GRM7: variants seen among roughly 807,000 people sequenced by gnomAD.
The protein encoded by GRM7 is metabotropic glutamate receptor 7.
In GRM7, 35 loss-of-function variants were observed where a neutral mutation model predicts 84.5. The observed-to-expected ratio is 0.41, with a 90% CI of 0.32 to 0.55. The LOEUF is 0.55. Among genes scored for constraint, GRM7 ranks in the 20% least tolerant of loss-of-function variants. GRM7 has a pLI of 0.19. For synonymous variants in GRM7, 487 were observed against 455.1 expected (o/e 1.07, Z -0.89); for missense variants, 1,003 against 1,194.6 (o/e 0.84, Z 2.36).
intron 1 of GRM7, among the ~76,000 whole-genome samples, chr3:7,124,464 C>G (rs952945802): frequency 6.6e-6 from 1 of 152,116 alleles, no homozygotes; most frequent in African/African-American, 2.4e-5. Context: ...TGAGATCGCA[C>G]CATTGCGCTC....
At chr3:7,339,532 G>A (rs1373385121) in intron 4 of GRM7, among the ~76,000 whole-genome samples, 1 of 152,084 alleles carries the variant, frequency 6.6e-6, no homozygotes, top group East Asian at 1.9e-4. Flanking sequence ...GCATTGACAC[G>A]ATTTTGGGGT....
intron 1 of GRM7, among the ~76,000 whole-genome samples, chr3:6,900,419 A>G (rs1005386216): frequency 6.6e-6 from 1 of 152,220 alleles, no homozygotes; most frequent in African/African-American, 2.4e-5. Context: ...ACAGACGTTA[A>G]TTTATGCACT....
chr3:6,908,886 G>C (rs1696672421), intron 1 of GRM7, among the ~76,000 whole-genome samples: 2 of 152,100 alleles, frequency 1.3e-5, no homozygotes, highest in African/African-American at 4.8e-5. Flanking sequence ...TTGGGAGTTA[G>C]AGATGGATTT....
intron 8 of GRM7, among the ~76,000 whole-genome samples, chr3:7,592,471 T>C (rs1416424646): frequency 2.0e-5 from 3 of 152,130 alleles, no homozygotes; most frequent in Non-Finnish European, 2.9e-5. Flanking sequence ...GGGAAATGAC[T>C]AGAAGAGTAG....
intron 4 of GRM7, among the ~76,000 whole-genome samples, chr3:7,381,870 A>G (rs530750324): frequency 7.4e-4 from 112 of 152,302 alleles, no homozygotes; most frequent in African/African-American, 2.6e-3. Context: ...ATTTAAGGTT[A>G]CCTAGCTCAG....
In GRM7 at chr3:7,637,582, CA is replaced by C. The variant is rs746758438; in HGVS notation, c.2452-42466del. 2.6e-5 allele frequency among the ~76,000 whole-genome samples: 4 copies of C among 152,168 alleles called. No individual in the cohort carries two copies. In the East Asian group the frequency reaches 7.7e-4, roughly 29 times the overall value. On this transcript the variant is annotated intron_variant, in intron 8 of 9. Coordinates refer to ENST00000357716, the MANE Select transcript of GRM7 (RefSeq NM_000844.4). Reference sequence around the variant, plus strand: ...AGAAATTCTCTCCAACATGGCTTTGCAGGAGCCTATCGCCTGTTAGGTAAAG... The same window carrying C: ...AGAAATTCTCTCCAACATGGCTTTGCGGAGCCTATCGCCTGTTAGGTAAAG...
Position 7,151,544 on chromosome 3 carries a change from CATTGTTAGTCTTTGCCA to C in GRM7, c.736+4880_736+4896del, listed in dbSNP as rs1694288702. 6.6e-6 allele frequency among the ~76,000 whole-genome samples: 1 copy of C among 152,132 alleles called. No homozygotes were observed. Among genetic ancestry groups the C allele is most frequent in the African/African-American group, 2.4e-5 (1 of 41,420 alleles). ...GTTCTATCTTGTGGTGTGCATTGCC[CATTGTTAGTCTTTGCCA>C]ATTTACTTTAAGCTCCATAAGGGCA... On this transcript the variant is annotated intron_variant, in intron 2 of 9. Coordinates refer to ENST00000357716, the MANE Select transcript of GRM7 (RefSeq NM_000844.4). This position sits in a 1 kb window ranked among gnomAD's most constrained non-coding sequence, Gnocchi z 4.5.
chr3:7,663,799 T>C (rs1699565821), intron 8 of GRM7, among the ~76,000 whole-genome samples: 1 of 152,192 alleles, frequency 6.6e-6, no homozygotes, highest in African/African-American at 2.4e-5. Context: ...GATAATACAT[T>C]GGCACATAAG....
intron 7 of GRM7, among the ~76,000 whole-genome samples, chr3:7,514,958 A>T (rs1700325703): frequency 6.6e-6 from 1 of 151,912 alleles, no homozygotes; most frequent in African/African-American, 2.4e-5. Context: ...ATGACTGTTG[A>T]GTCACAGAAG....
intron 3 of GRM7, among the ~76,000 whole-genome samples, chr3:7,306,105 G>A (rs1187221254): frequency 1.3e-5 from 2 of 152,086 alleles, no homozygotes; most frequent in African/African-American, 4.8e-5. Context: ...AGCAGTAAAT[G>A]AGAGTGCTCA....
intron 9 of GRM7, among the ~76,000 whole-genome samples, chr3:7,705,265 T>C (rs940872650): frequency 2.0e-5 from 3 of 152,192 alleles, no homozygotes. Flanking sequence ...TACAAATGAT[T>C]ATTCTGGGTG....
intron 7 of GRM7, among the ~76,000 whole-genome samples, chr3:7,468,568 A>G (rs981701137): frequency 4.5e-4 from 69 of 152,192 alleles, no homozygotes; most frequent in South Asian, 6.2e-4. Flanking sequence ...AAAAATAACA[A>G]TAATTTCACA....
chr3:7,685,298 G>T (rs1284714928), intron 9 of GRM7, among the ~76,000 whole-genome samples: 1 of 152,188 alleles, frequency 6.6e-6, no homozygotes, highest in African/African-American at 2.4e-5. Flanking sequence ...TTTAGTAAAA[G>T]ATCACAGTGA....
At chr3:7,424,416 T>G (rs1273409214) in intron 5 of GRM7, among the ~76,000 whole-genome samples, 1 of 152,170 alleles carries the variant, frequency 6.6e-6, no homozygotes, top group African/African-American at 2.4e-5. Flanking sequence ...ACCTGTTGCC[T>G]TATATCATGC....
At chr3:7,430,971 C>T (rs555686723) in intron 5 of GRM7, among the ~76,000 whole-genome samples, 3 of 152,272 alleles carry the variant, frequency 2.0e-5, no homozygotes, top group African/African-American at 7.2e-5. Context: ...CCTTCTGCAT[C>T]CACCTAGACC....
chr3:7,400,130 A>G (rs973841938), intron 4 of GRM7, among the ~76,000 whole-genome samples: 14 of 152,198 alleles, frequency 9.2e-5, no homozygotes, highest in Non-Finnish European at 2.1e-4. Flanking sequence ...TAAACAGACT[A>G]GGACAAAATA....
At chr3:7,067,940 G>C (rs6777438) in intron 1 of GRM7, among the ~76,000 whole-genome samples, 1 of 151,740 alleles carries the variant, frequency 6.6e-6, no homozygotes, top group East Asian at 1.9e-4. Context: ...TCAATTAAAC[G>C]TAAAGAACTC....
chr3:7,040,713 T>G (rs1696570674), intron 1 of GRM7, among the ~76,000 whole-genome samples: 1 of 152,110 alleles, frequency 6.6e-6, no homozygotes, highest in Non-Finnish European at 1.5e-5. Context: ...AGGATGGGCC[T>G]TGCTGGAGAG....
At chr3:7,471,973 G>T (rs1698720126) in intron 7 of GRM7, among the ~76,000 whole-genome samples, 1 of 152,180 alleles carries the variant, frequency 6.6e-6, no homozygotes, top group Admixed American at 6.5e-5. Context: ...GACCTAAAGG[G>T]AGGTGTTTGA....
Sources: gnomAD v4.1 joint callset for allele counts (sites outside exome capture counted in the v4.1 genomes callset) on GRCh38, gnomAD v4.1.1 for gene constraint, Gnocchi (gnomAD v3.1) non-coding constraint, MANE v1.5 for transcripts, NCBI Gene and HGNC (gene_info 2026-07-23, HGNC 2026-07-21) for gene names.